The following ITGB3BP variants were observed in gnomAD, a reference collection of about 807,000 sequenced individuals.
ITGB3BP encodes integrin subunit beta 3 binding protein, also known as centromere protein R.
In ITGB3BP, 27 loss-of-function variants were observed where a neutral mutation model predicts 29.1. The observed-to-expected ratio is 0.93, with a 90% CI of 0.68 to 1.28. The LOEUF (loss-of-function observed/expected upper bound fraction) is 1.28, where lower values mean the gene tolerates loss of function less well. Ranked by LOEUF, ITGB3BP falls within the 50% of genes most tolerant of loss-of-function variation. The probability of loss-of-function intolerance (pLI) is 0.00; values close to 1 mark genes in which losing one functional copy is unlikely to be tolerated. For synonymous variants in ITGB3BP, 61 were observed against 61.4 expected, an observed-to-expected ratio of 0.99 and a Z score of 0.03; for missense variants, 192 against 200.2, an observed-to-expected ratio of 0.96 and a Z score of 0.25.
At chr1:63,455,062 G>A (rs1001778791) in intron 4 of ITGB3BP, 94 bp from the exon 5 acceptor site, 10 of 630,092 alleles carry the variant, frequency 1.6e-5, no homozygotes, top group Non-Finnish European at 2.5e-5. Flanking sequence ...AAGGACCTTA[G>A]ACTTAGGTTC....
chr1:63,505,628 CCTG>C (rs1299318445), intron 2 of ITGB3BP, among the ~76,000 whole-genome samples: 1 of 152,032 alleles, frequency 6.6e-6, no homozygotes, highest in Non-Finnish European at 1.5e-5. Flanking sequence ...TTAGATCTTT[CCTG>C]CTTTCTCTTG....
At chr1:63,475,487 T>G (rs553478464) in intron 4 of ITGB3BP, among the ~76,000 whole-genome samples, 5 of 152,158 alleles carry the variant, frequency 3.3e-5, no homozygotes, top group Admixed American at 2.6e-4. Context: ...CCCAACAGGT[T>G]AAGGTTATAG....
chr1:63,465,569 A>C (rs1278735998), intron 4 of ITGB3BP, among the ~76,000 whole-genome samples: 1 of 152,020 alleles, frequency 6.6e-6, no homozygotes, highest in East Asian at 1.9e-4. Context: ...TTAAAAAAAA[A>C]AATTTTGTAG....
At chr1:63,469,226 C>T (rs1179677812) in intron 4 of ITGB3BP, among the ~76,000 whole-genome samples, 3 of 152,226 alleles carry the variant, frequency 2.0e-5, no homozygotes, top group Admixed American at 1.3e-4. Context: ...TCAATAATTA[C>T]TAGCTATTAT....
intron 7 of ITGB3BP, 116 bp from the exon 8 acceptor site, chr1:63,446,972 G>A: frequency 1.4e-6 from 1 of 710,494 alleles, no homozygotes; most frequent in Non-Finnish European, 2.4e-6. Flanking sequence ...CTGAAGTCTT[G>A]TTTTATACTA....
intron 4 of ITGB3BP, among the ~76,000 whole-genome samples, chr1:63,468,322 T>G (rs1056507955): frequency 6.6e-6 from 1 of 152,184 alleles, no homozygotes; most frequent in African/African-American, 2.4e-5. Flanking sequence ...AGCCACATTA[T>G]TGGAATGGGG....
At chr1:63,468,518 G>C (rs1469765393) in intron 4 of ITGB3BP, among the ~76,000 whole-genome samples, 2 of 152,058 alleles carry the variant, frequency 1.3e-5, no homozygotes, top group African/African-American at 4.8e-5. Context: ...ACAAGGTCAA[G>C]ATATCAAGAC....
At chr1:63,503,362 G>GT (rs1224023535) in intron 2 of ITGB3BP, among the ~76,000 whole-genome samples, 6 of 151,750 alleles carry the variant, frequency 4.0e-5, no homozygotes, top group African/African-American at 1.4e-4. Flanking sequence ...TGATGGGGTT[G>GT]TTTTTTTCTT....
rs531807620 is a variant in ITGB3BP at position 63,471,976 on chromosome 1, G to C, written c.254+6788C>G. 1.1e-3 allele frequency among the ~76,000 whole-genome samples: 167 copies of C among 151,708 alleles called. 1 individual carries two copies. Among genetic ancestry groups the C allele is most frequent in the African/African-American group, 3.8e-3 (159 of 41,388 alleles). On this transcript the variant is annotated intron_variant, in intron 4 of 8. Transcript: ENST00000271002. ...ATTTTTGTATTTTTAGTAGGGATGG[G>C]GTGTCACCATATTGGCCAGGCTGGT...
intron 4 of ITGB3BP, among the ~76,000 whole-genome samples, chr1:63,476,825 T>C (rs1645348673): frequency 6.6e-6 from 1 of 152,260 alleles, no homozygotes; most frequent in African/African-American, 2.4e-5. Context: ...ATCTGTAATT[T>C]TTAAATTTTT....
chr1:63,473,549 T>G (rs1450418822), intron 4 of ITGB3BP, among the ~76,000 whole-genome samples: 2 of 44,134 alleles, frequency 4.5e-5, no homozygotes, highest in Non-Finnish European at 4.7e-5. Flanking sequence ...CCCGGCCAGC[T>G]GCCCCATCTG....
At chr1:63,448,410 G>A (rs1557606183) in intron 7 of ITGB3BP, among the ~76,000 whole-genome samples, 1 of 151,888 alleles carries the variant, frequency 6.6e-6, no homozygotes, top group Non-Finnish European at 1.5e-5. Flanking sequence ...AGGTTCCAGA[G>A]GGCTGAAGCA....
intron 8 of ITGB3BP, chr1:63,443,192 GTT>G (rs1477904747): frequency 6.6e-6 from 1 of 152,246 alleles, no homozygotes; most frequent in African/African-American, 2.4e-5. Context: ...GTACTGTCAG[GTT>G]TCTAGGGCAT....
chr1:63,494,298 T>C (rs892017736), intron 2 of ITGB3BP, among the ~76,000 whole-genome samples: 3 of 152,180 alleles, frequency 2.0e-5, no homozygotes, highest in Non-Finnish European at 2.9e-5. Flanking sequence ...TGTGTATTTT[T>C]AGTAGAGACA....
At chr1:63,502,475 G>C (rs1265326671) in intron 2 of ITGB3BP, among the ~76,000 whole-genome samples, 1 of 150,510 alleles carries the variant, frequency 6.6e-6, no homozygotes, top group Non-Finnish European at 1.5e-5. Flanking sequence ...ACAAGGCTGG[G>C]AAGGCCTCAG....
chr1:63,451,157 T>G (rs1644854687), intron 7 of ITGB3BP, among the ~76,000 whole-genome samples: 1 of 151,774 alleles, frequency 6.6e-6, no homozygotes, highest in African/African-American at 2.4e-5. Context: ...TATTGTCTAT[T>G]TTAACTATTC....
chr1:63,448,180 G>A (rs1453227280), intron 7 of ITGB3BP, among the ~76,000 whole-genome samples: 1 of 110,620 alleles, frequency 9.0e-6, no homozygotes, highest in Non-Finnish European at 1.8e-5. Context: ...GGACTGTTGT[G>A]GGGTGGGGGG....
At chr1:63,526,217 A>G (rs1646586795), upstream of ITGB3BP, among the ~76,000 whole-genome samples, 1 of 151,996 alleles carries the variant, frequency 6.6e-6, no homozygotes, top group African/African-American at 2.4e-5. Context: ...TTTATTTCTT[A>G]TTTTTATTTT....
intron 2 of ITGB3BP, among the ~76,000 whole-genome samples, chr1:63,493,093 C>CGCGT (rs1553164251): frequency 5.7e-4 from 86 of 150,414 alleles, no homozygotes; most frequent in African/African-American, 2.1e-3. Flanking sequence ...CACACACGCG[C>CGCGT]GCGCGCGCAA....
Sources: gnomAD v4.1 joint callset for allele counts (sites outside exome capture counted in the v4.1 genomes callset) on GRCh38, gnomAD v4.1.1 for gene constraint, MANE v1.5 for transcripts, NCBI Gene and HGNC (gene_info 2026-07-23, HGNC 2026-07-21) for gene names.